The following DIP2C variants were observed in gnomAD, a reference collection of about 807,000 sequenced individuals.
DIP2C encodes disco-interacting protein 2 homolog C.
In DIP2C, 33 loss-of-function variants were observed where a neutral mutation model predicts 192.4. That is an observed-to-expected ratio of 0.17 (90% CI 0.13 to 0.23). The LOEUF is 0.23. DIP2C is among the 10% of genes least tolerant of loss of function. The probability of loss-of-function intolerance (pLI) is 1.00; values close to 1 mark genes in which losing one functional copy is unlikely to be tolerated. For missense variants in DIP2C, 1,537 were observed against 2,110.1 expected (o/e 0.73, Z 5.32); for synonymous variants, 979 against 864.1 (o/e 1.13, Z -2.33).
chr10:306,184 A>C (rs1956312191), intron 32 of DIP2C, among the ~76,000 whole-genome samples: 1 of 151,766 alleles, frequency 6.6e-6, no homozygotes, highest in Non-Finnish European at 1.5e-5. Context: ...GTGGGACTGT[A>C]ATCTGTTCCA....
intron 1 of DIP2C, chr10:631,040 G>C (rs953822926): frequency 3.3e-5 from 5 of 152,236 alleles, no homozygotes; most frequent in African/African-American, 1.2e-4. Flanking sequence ...TTGGAGGCCT[G>C]GCTCCTCCGC....
chr10:423,123 G>A (rs555464110), intron 4 of DIP2C, 90 bp from the exon 5 acceptor site: 10 of 1,260,174 alleles, frequency 7.9e-6, no homozygotes, highest in South Asian at 3.0e-5. Context: ...TTTACTTCAC[G>A]TAAGTCTCAA....
chr10:689,272 G>A lies in DIP2C; in HGVS notation c.85+222C>T, dbSNP rs1287797127. 1.3e-5 allele frequency among the ~76,000 whole-genome samples: 2 copies of A among 150,766 alleles called. No homozygotes were observed. The highest frequency in any genetic ancestry group is 3.0e-5 in the Non-Finnish European group (2 of 67,582). ...AGACACCCCCAGGGCGCGGGGAATC[G>A]CGGCCCCACAAACGTCCCCAGAGCG... On this transcript the variant is annotated intron_variant, in intron 1 of 36. Transcript: ENST00000280886. This position sits in a 1 kb window ranked among gnomAD's most constrained non-coding sequence, Gnocchi z 6.1.
intron 3 of DIP2C, among the ~76,000 whole-genome samples, 172 bp downstream of exon 3, chr10:472,267 T>G (rs917029642): frequency 6.6e-6 from 1 of 152,224 alleles, no homozygotes; most frequent in Non-Finnish European, 1.5e-5. Context: ...AAGAGCTATT[T>G]ACCGGACACT....
intron 3 of DIP2C, among the ~76,000 whole-genome samples, chr10:450,935 G>C (rs565034074): frequency 6.6e-6 from 1 of 152,136 alleles, no homozygotes; most frequent in South Asian, 2.1e-4. Flanking sequence ...CTGTATGTGC[G>C]TACATGTATG....
chr10:363,318 G>A lies in DIP2C; in HGVS notation c.2478-7C>T. 10 of 1,609,290 alleles carry A rather than the reference G, an allele frequency of 6.2e-6. No individual in the cohort carries two copies. The highest frequency in any genetic ancestry group is 8.5e-6 in the Non-Finnish European group (10 of 1,179,314). On this transcript the variant is annotated splice_region_variant and splice_polypyrimidine_tract_variant and intron_variant, in intron 20 of 36. Transcript: ENST00000280886. The surrounding 1 kb of genome is among the most constrained non-coding windows in gnomAD (Gnocchi z 5.4). Reference sequence around the variant, plus strand: ...CACCGAGAACACGGCTATCCTGCGGGGACACAGGAGCATGGTGAGCACGCG... The same window carrying A: ...CACCGAGAACACGGCTATCCTGCGGAGACACAGGAGCATGGTGAGCACGCG...
At position 652,304 on chromosome 10, in the gene DIP2C, G is replaced by A; in HGVS notation, c.85+37190C>T. 1 of 209,962 alleles carries A rather than the reference G, an allele frequency of 4.8e-6. No homozygotes were observed. Among genetic ancestry groups the A allele is most frequent in the Non-Finnish European group, 9.7e-6 (1 of 103,258 alleles). 13.0% of individuals were successfully genotyped at this position (209,962 alleles called of 1,614,324 possible). ...CTCCATCCTGAGGGCATCTTCCTCG[G>A]CATCTTCCTCCATCGACAGCAGCCT... On this transcript the variant is annotated intron_variant, in intron 1 of 36. Coordinates refer to ENST00000280886, the MANE Select transcript of DIP2C (RefSeq NM_014974.3). This position sits in a 1 kb window ranked among gnomAD's most constrained non-coding sequence, Gnocchi z 4.5.
chr10:311,342 C>T (rs181633935), intron 31 of DIP2C, among the ~76,000 whole-genome samples: 48 of 152,322 alleles, frequency 3.2e-4, no homozygotes, highest in Admixed American at 4.6e-4. Flanking sequence ...GACCGCGCAC[C>T]CCGGGAAGAC....
intron 1 of DIP2C, chr10:665,444 T>C (rs1248412145): frequency 6.6e-6 from 1 of 152,168 alleles, no homozygotes; most frequent in Non-Finnish European, 1.5e-5. Context: ...AGTAACGCGA[T>C]CATCTAGCAT....
chr10:502,082 G>A, intron 1 of DIP2C, among the ~76,000 whole-genome samples: 1 of 152,198 alleles, frequency 6.6e-6, no homozygotes, highest in African/African-American at 2.4e-5. Flanking sequence ...GGAGGTCGAG[G>A]TTGCACTGAG....
intron 29 of DIP2C, among the ~76,000 whole-genome samples, chr10:339,099 G>A (rs1958019021): frequency 6.6e-6 from 1 of 151,906 alleles, no homozygotes; most frequent in South Asian, 2.1e-4. Context: ...TGAGGTCGAG[G>A]CGTCCTCAAA....
Position 408,982 on chromosome 10 carries a change from T to C in DIP2C, c.1093A>G (p.Ser365Gly), listed in dbSNP as rs750082495. Residue 365 changes from serine (S) to glycine (G), a missense_variant, in exon 9 of 37, where the codon AGC (serine) becomes GGC (glycine). Physicochemically the swap from Ser to Gly is moderately conservative, Grantham distance 56 (BLOSUM62 0). Transcript: ENST00000280886. ...TTTGTGCCTAATTTGTGTAGAATGC[T>C]GTAAGCGACCTTCATACTTCTTGTC... is the stretch of plus-strand genomic sequence containing the variant. ...LWTRSMKVAY[S>G]ILHKLGTKQE... 9 of 1,614,240 alleles carry C rather than the reference T, an allele frequency of 5.6e-6. No individual in the cohort carries two copies. The highest frequency in any genetic ancestry group is 2.2e-5 in the East Asian group (1 of 44,890).
At chr10:533,683 A>G (rs1418907388) in intron 1 of DIP2C, among the ~76,000 whole-genome samples, 1 of 150,588 alleles carries the variant, frequency 6.6e-6, no homozygotes, top group Non-Finnish European at 1.5e-5. Flanking sequence ...CCTCCCTCAC[A>G]ACTAGTCCAC....
At chr10:679,422 C>T (rs1208692475) in intron 1 of DIP2C, among the ~76,000 whole-genome samples, 2 of 90,718 alleles carry the variant, frequency 2.2e-5, no homozygotes, top group Non-Finnish European at 4.5e-5. Flanking sequence ...AGGCTCCCCG[C>T]GCCCATCTGT....
intron 5 of DIP2C, among the ~76,000 whole-genome samples, chr10:421,733 AAG>A (rs745791408): frequency 7.2e-5 from 11 of 152,202 alleles, no homozygotes; most frequent in African/African-American, 1.9e-4. Flanking sequence ...AGAGAGAAAA[AAG>A]AAATGGTTTT....
chr10:523,827 C>A (rs1846883830), intron 1 of DIP2C, among the ~76,000 whole-genome samples: 1 of 152,190 alleles, frequency 6.6e-6, no homozygotes, highest in South Asian at 2.1e-4. Flanking sequence ...CTCTGAGTTA[C>A]CAGCACACTT....
At chr10:449,234 C>T (rs1361390378) in intron 3 of DIP2C, among the ~76,000 whole-genome samples, 3 of 152,184 alleles carry the variant, frequency 2.0e-5, no homozygotes, top group Admixed American at 6.5e-5. Flanking sequence ...CGATACTCAG[C>T]GGCATCCTTT....
intron 10 of DIP2C, among the ~76,000 whole-genome samples, chr10:393,801 A>AAAAAAGAAAAAG (rs1417903098): frequency 1.3e-5 from 2 of 148,158 alleles, no homozygotes; most frequent in African/African-American, 5.1e-5. Flanking sequence ...AAAAAAGAAA[A>AAAAAAGAAAAAG]AAAAAGAAAA....
At chr10:573,845 G>A (rs916339925) in intron 1 of DIP2C, among the ~76,000 whole-genome samples, 3 of 152,066 alleles carry the variant, frequency 2.0e-5, no homozygotes, top group African/African-American at 4.8e-5. Context: ...CAAATGAAAT[G>A]CCAAGAATAA....
Sources: allele counts gnomAD v4.1 joint callset (sites outside exome capture counted in the v4.1 genomes callset), GRCh38; gene constraint gnomAD v4.1.1; non-coding constraint Gnocchi (gnomAD v3.1); transcripts MANE v1.5; gene names NCBI Gene and HGNC (gene_info 2026-07-23, HGNC 2026-07-21).